The following BCR variants were observed in gnomAD, a reference collection of about 807,000 sequenced individuals.
BCR encodes the protein BCR activator of RhoGEF and GTPase.
BCR carries 58 observed loss-of-function variants against 138.6 expected under a neutral mutation model. The observed-to-expected ratio is 0.42, with a 90% CI of 0.34 to 0.52. The LOEUF (loss-of-function observed/expected upper bound fraction) is 0.52, where lower values mean the gene tolerates loss of function less well. Ranked by LOEUF, BCR falls within the 20% of genes least tolerant of loss-of-function variation. The pLI is 0.06. For missense variants in BCR, 1,599 were observed against 1,727.2 expected (o/e 0.93, Z 1.32); for synonymous variants, 786 against 730.1 (o/e 1.08, Z -1.23).
intron 10 of BCR, 134 bp downstream of exon 10, chr22:23,285,335 A>C: frequency 7.3e-6 from 7 of 963,292 alleles, no homozygotes; most frequent in Non-Finnish European, 7.5e-6. Flanking sequence ...GTAAGCTCTC[A>C]GCTCTTGGAG....
In BCR at chr22:23,285,182, A is replaced by C; in HGVS notation, c.2387A>C (p.Asn796Thr). 6.2e-7 allele frequency: 1 copy of C among 1,612,448 alleles called. No individual in the cohort carries two copies. The highest frequency in any genetic ancestry group is 1.1e-5 in the South Asian group (1 of 90,796). The change falls in exon 10 of 23, where the codon AAT becomes ACT. Residue 796 changes from asparagine (N) to threonine (T), a missense_variant. This residue lies in a region of BCR where 590 missense variants were observed against 762.4 expected (regional missense o/e 0.77). Transcript: ENST00000305877. The stretch of plus-strand genomic sequence containing the variant: ...AAGATCAAGATCTCCCAGATCAAGA[A>C]TGACATCCAGAGAGAGAAGGTGCAC... ...ALKIKISQIK[N>T]DIQREKRANK...
At chr22:23,277,514 G>C (rs1287118350) in intron 8 of BCR, among the ~76,000 whole-genome samples, 9 of 151,740 alleles carry the variant, frequency 5.9e-5, no homozygotes, top group Admixed American at 3.3e-4. Context: ...CCCATCCCCT[G>C]CTGCTGCTGC....
intron 13 of BCR, 59 bp downstream of exon 13, chr22:23,289,680 A>C: frequency 7.0e-7 from 1 of 1,420,800 alleles, no homozygotes; most frequent in Non-Finnish European, 9.9e-7. Flanking sequence ...AGCTAGCCTG[A>C]AGGCTGATCC....
At chr22:23,183,014 C>A (rs1021438536) in intron 1 of BCR, among the ~76,000 whole-genome samples, 1 of 152,230 alleles carries the variant, frequency 6.6e-6, no homozygotes, top group Non-Finnish European at 1.5e-5. Flanking sequence ...CATTTGCTGA[C>A]CCTCCAGTGT....
chr22:23,273,190 G>C, intron 7 of BCR, 57 bp downstream of exon 7: 1 of 1,564,332 alleles, frequency 6.4e-7, no homozygotes, highest in Non-Finnish European at 8.8e-7. Context: ...GGCACACACA[G>C]CAACAATGTT....
chr22:23,196,843 G>A (rs1156913291), intron 1 of BCR, among the ~76,000 whole-genome samples: 5 of 152,156 alleles, frequency 3.3e-5, no homozygotes, highest in East Asian at 1.9e-4. Context: ...CAGATGAAGC[G>A]TCACTCTCCG....
In BCR at chr22:23,315,495, G is replaced by A; in HGVS notation, c.3789G>A (p.Gln1263=). The part of the protein sequence containing the change: ...EAIPAPDSKR[Q]SILFSTEV The stretch of plus-strand genomic sequence containing the variant: ...TCCCTGCCCCGGACAGCAAGAGACA[G>A]AGCATCCTGTTCTCCACCGAAGTCT... The change falls in exon 23 of 23, where the codon CAG becomes CAA. Residue 1263 remains glutamine (Q), a synonymous_variant. Transcript: ENST00000305877. The A allele has an allele frequency of 6.2e-7, 1 of 1,612,674 alleles. No homozygotes were observed. Among genetic ancestry groups the A allele is most frequent in the Non-Finnish European group, 8.5e-7 (1 of 1,180,008 alleles).
chr22:23,201,481 G>A (rs901717758), intron 1 of BCR, among the ~76,000 whole-genome samples: 9 of 142,770 alleles, frequency 6.3e-5, no homozygotes, highest in East Asian at 2.2e-4. Flanking sequence ...TTTTTGAGAC[G>A]GAGTCTTGCT....
chr22:23,183,459 T>C (rs1323957667), intron 1 of BCR, among the ~76,000 whole-genome samples: 1 of 152,250 alleles, frequency 6.6e-6, no homozygotes, highest in African/African-American at 2.4e-5. Context: ...GTACTTCCAG[T>C]TACTGATCTT....
chr22:23,312,102 T>G (rs1029457075), intron 19 of BCR, among the ~76,000 whole-genome samples: 2 of 152,108 alleles, frequency 1.3e-5, no homozygotes, highest in Admixed American at 1.3e-4. Context: ...TGCCTTGGGG[T>G]TGGACAGGAG....
intron 4 of BCR, chr22:23,263,446 A>G: frequency 7.2e-7 from 1 of 1,395,924 alleles, no homozygotes; most frequent in Non-Finnish European, 1.0e-6. Flanking sequence ...TGCTGCCGAG[A>G]GGGGATTCTG....
chr22:23,218,591 A>T (rs535303953), intron 1 of BCR, among the ~76,000 whole-genome samples: 237 of 152,274 alleles, frequency 1.6e-3, no homozygotes, highest in Non-Finnish European at 2.0e-3. Context: ...TGCGGAGGTG[A>T]GGCTGGTGGC....
intron 1 of BCR, among the ~76,000 whole-genome samples, chr22:23,252,359 G>A (rs1031230416): frequency 6.6e-6 from 1 of 151,978 alleles, no homozygotes; most frequent in Non-Finnish European, 1.5e-5. Flanking sequence ...GGTGTGCAAG[G>A]TGCAAGGACC....
chr22:23,204,942 T>C (rs2072594935), intron 1 of BCR, among the ~76,000 whole-genome samples: 1 of 152,218 alleles, frequency 6.6e-6, no homozygotes. Context: ...CAGGAATGCA[T>C]GTGCTGAGGC....
chr22:23,232,119 G>C (rs939535937), intron 1 of BCR, among the ~76,000 whole-genome samples: 1 of 152,224 alleles, frequency 6.6e-6, no homozygotes, highest in Non-Finnish European at 1.5e-5. Flanking sequence ...TGGAAGCCTG[G>C]AGACCCAGTG....
At chr22:23,237,134 G>A (rs1381443353) in intron 1 of BCR, among the ~76,000 whole-genome samples, 3 of 152,194 alleles carry the variant, frequency 2.0e-5, no homozygotes, top group Non-Finnish European at 2.9e-5. Context: ...ATATAGCCAC[G>A]CCGCCCCTGT....
chr22:23,241,363 T>C (rs186602267), intron 1 of BCR, among the ~76,000 whole-genome samples: 3 of 152,268 alleles, frequency 2.0e-5, no homozygotes, highest in African/African-American at 7.2e-5. Flanking sequence ...ATTTCCTCTT[T>C]GGAGGGGCAG....
At chr22:23,232,303 T>G (rs2072967991) in intron 1 of BCR, among the ~76,000 whole-genome samples, 1 of 152,226 alleles carries the variant, frequency 6.6e-6, no homozygotes, top group Non-Finnish European at 1.5e-5. Flanking sequence ...CACTTTTTAT[T>G]GACAAGAAGC....
Position 23,181,408 on chromosome 22 carries a change from A to G in BCR, c.448A>G (p.Ser150Gly). 6.4e-7 allele frequency: 1 copy of G among 1,570,120 alleles called. No individual in the cohort carries two copies. The highest frequency in any genetic ancestry group is 8.6e-7 in the Non-Finnish European group (1 of 1,157,248). The change falls in exon 1 of 23, where the codon AGC becomes GGC. Residue 150 changes from serine (S) to glycine (G), a missense_variant. Coordinates refer to ENST00000305877, the MANE Select transcript of BCR (RefSeq NM_004327.4). ...ACGGGACGACCGGGGACCCCCCGCCAGCGTGGCGGCGCTCAGGTCCAACTT... is the reference window on the plus strand; with the variant it reads ...ACGGGACGACCGGGGACCCCCCGCCGGCGTGGCGGCGCTCAGGTCCAACTT... Reference protein sequence around the residue: ...GERDDRGPPASVAALRSNFER... With the variant: ...GERDDRGPPAGVAALRSNFER...
Sources: allele counts gnomAD v4.1 joint callset (sites outside exome capture counted in the v4.1 genomes callset), GRCh38; gene constraint gnomAD v4.1.1; regional missense constraint gnomAD v4.1.1; transcripts MANE v1.5; gene names NCBI Gene and HGNC (gene_info 2026-07-23, HGNC 2026-07-21).